The following EML1 variants were observed in gnomAD, a reference collection of about 807,000 sequenced individuals.
The protein encoded by EML1 is echinoderm microtubule-associated protein-like 1.
A neutral mutation model predicts 110.4 loss-of-function variants in EML1; 27 were observed. The ratio of observed to expected loss-of-function variants is 0.24; its 90% CI spans 0.18 to 0.34. The LOEUF is 0.34. EML1 is among the 10% of genes least tolerant of loss of function. The pLI is 1.00. For synonymous variants in EML1, 344 were observed against 385.8 expected (o/e 0.89, Z 1.27); for missense variants, 741 against 1,030.9 (o/e 0.72, Z 3.85).
At chr14:99,826,775 C>T (rs1222965074) in intron 1 of EML1, among the ~76,000 whole-genome samples, 1 of 151,982 alleles carries the variant, frequency 6.6e-6, no homozygotes, top group African/African-American at 2.4e-5. Context: ...TGAAGAATTC[C>T]ATGCATGTTA....
chr14:99,912,608 T>C (rs984994426), intron 13 of EML1, among the ~76,000 whole-genome samples: 1 of 152,248 alleles, frequency 6.6e-6, no homozygotes, highest in African/African-American at 2.4e-5. Context: ...AATTTGGTTC[T>C]GTTGATTATT....
rs199617037 is a variant in EML1 at position 99,861,862 on chromosome 14, A to G, written c.251-3652A>G. Among the ~76,000 whole-genome samples, 16 of 152,348 alleles carry G rather than the reference A, an allele frequency of 1.1e-4. No homozygotes were observed. In the East Asian group the frequency reaches 3.1e-3, roughly 29 times the overall value. Reference sequence around the variant, plus strand: ...AAAGTTGTAAGCACAGAAGGTTCCCATAGACCCAGTACCCAGTTTCCCCTG... The same window carrying G: ...AAAGTTGTAAGCACAGAAGGTTCCCGTAGACCCAGTACCCAGTTTCCCCTG... On this transcript the variant is annotated intron_variant, in intron 2 of 21. Coordinates refer to ENST00000262233, the MANE Select transcript of EML1 (RefSeq NM_004434.3).
intron 1 of EML1, among the ~76,000 whole-genome samples, chr14:99,755,300 C>G (rs1011820839): frequency 6.6e-5 from 10 of 152,226 alleles, no homozygotes; most frequent in Non-Finnish European, 1.5e-4. Flanking sequence ...CCCGGGGAGC[C>G]TGGGGCTGCC....
chr14:99,848,066 G>T, intron 1 of EML1, among the ~76,000 whole-genome samples: 1 of 151,800 alleles, frequency 6.6e-6, no homozygotes. Flanking sequence ...TTTATTTTTT[G>T]TTTTTTACTT....
Position 99,939,369 on chromosome 14 carries a change from C to T in EML1, c.2322+42C>T. 2 of 1,610,502 alleles carry T rather than the reference C, an allele frequency of 1.2e-6. No individual in the cohort carries two copies. Among genetic ancestry groups the T allele is most frequent in the Non-Finnish European group, 1.7e-6 (2 of 1,177,782 alleles). On this transcript the variant is annotated intron_variant, in intron 21 of 21. Transcript: ENST00000262233. The surrounding 1 kb of genome is among the most constrained non-coding windows in gnomAD (Gnocchi z 4.2). The stretch of plus-strand genomic sequence containing the variant: ...TTCACTAATCTTATCCCCCATGGGG[C>T]ATGCACGTACACCCGACCTGTTTGG...
chr14:99,835,644 G>T (rs1187830068), intron 1 of EML1, among the ~76,000 whole-genome samples: 1 of 152,078 alleles, frequency 6.6e-6, no homozygotes, highest in African/African-American at 2.4e-5. Context: ...CACAAATTTT[G>T]ATATGCTGTG....
chr14:99,847,875 A>G (rs943017527), intron 1 of EML1, among the ~76,000 whole-genome samples: 8 of 151,794 alleles, frequency 5.3e-5, no homozygotes, highest in Admixed American at 2.6e-4. Context: ...TATACTTTCA[A>G]TCTATCTGTG....
chr14:99,768,520 G>T (rs61411932), upstream of EML1, among the ~76,000 whole-genome samples: 708 of 152,282 alleles, frequency 4.6e-3, 5 homozygotes, highest in African/African-American at 0.016. Context: ...ACTCCACATG[G>T]CTGGAATATA....
intron 3 of EML1, among the ~76,000 whole-genome samples, chr14:99,873,177 T>A (rs560749967): frequency 7.9e-5 from 12 of 152,332 alleles, no homozygotes; most frequent in Admixed American, 2.0e-4. Flanking sequence ...TTCTCTGGGC[T>A]CATAAGTAGA....
At chr14:99,773,434 C>G (rs2057446659) in exon 1 of EML1, 1 of 152,306 alleles carries the variant, frequency 6.6e-6, no homozygotes, top group African/African-American at 2.4e-5. Context: ...CCCAGGAGGT[C>G]CCAGAATCTA....
At chr14:99,770,841 G>A (rs902318883), upstream of EML1, among the ~76,000 whole-genome samples, 17 of 133,826 alleles carry the variant, frequency 1.3e-4, no homozygotes, top group Admixed American at 1.3e-3. Context: ...CTGGAGTGCA[G>A]TGGCGCGATC....
intron 1 of EML1, among the ~76,000 whole-genome samples, chr14:99,834,869 G>T (rs2058513850): frequency 6.6e-6 from 1 of 152,144 alleles, no homozygotes; most frequent in African/African-American, 2.4e-5. Flanking sequence ...GCCTAGGCTG[G>T]AGTGCAGTGG....
intron 1 of EML1, among the ~76,000 whole-genome samples, chr14:99,775,030 A>G (rs1258803434): frequency 6.6e-6 from 1 of 152,222 alleles, no homozygotes; most frequent in African/African-American, 2.4e-5. Flanking sequence ...TACAAAATAG[A>G]GTTGATTCCT....
intron 5 of EML1, 29 bp downstream of exon 5, chr14:99,891,256 A>AC (rs770751222): frequency 2.5e-6 from 4 of 1,613,346 alleles, no homozygotes; most frequent in Non-Finnish European, 3.4e-6. Flanking sequence ...ATGTATGGGA[A>AC]CCCCTCACTC....
At chr14:99,772,127 C>A (rs990391569), upstream of EML1, among the ~76,000 whole-genome samples, 1 of 152,158 alleles carries the variant, frequency 6.6e-6, no homozygotes, top group Non-Finnish European at 1.5e-5. Context: ...GTGTTGTACA[C>A]TCTTGATTGT....
chr14:99,817,982 G>A (rs779943815), intron 1 of EML1, among the ~76,000 whole-genome samples: 2 of 152,166 alleles, frequency 1.3e-5, no homozygotes, highest in Non-Finnish European at 2.9e-5. Context: ...TAGAAGTAAA[G>A]CCAGTTAAAG....
rs773148070 is a variant in EML1 at position 99,914,563 on chromosome 14, T to C, written c.1621-3T>C. The C allele has an allele frequency of 2.5e-6, 4 of 1,585,776 alleles. No individual in the cohort carries two copies. The African/African-American group carries it at 4.1e-5, about 16-fold the overall frequency. On this transcript the variant is annotated splice_region_variant and splice_polypyrimidine_tract_variant and intron_variant, in intron 14 of 21. Transcript: ENST00000262233. ...CGCTTCTGTTTGTCTTGGTTATTTG[T>C]AGGGTCACACTGATGAGCTCTGGGG...
intron 1 of EML1, among the ~76,000 whole-genome samples, chr14:99,816,201 T>C (rs1286012875): frequency 1.3e-5 from 2 of 152,196 alleles, no homozygotes; most frequent in African/African-American, 4.8e-5. Flanking sequence ...TCTCACTCTG[T>C]CGCCCAGGCT....
chr14:99,917,692 C>T (rs113859849), intron 15 of EML1, 90 bp from the exon 16 acceptor site: 15 of 1,198,682 alleles, frequency 1.3e-5, no homozygotes, highest in African/African-American at 6.0e-5. Context: ...GAAGTGTGAG[C>T]GTTTGTGTGT....
Sources: gnomAD v4.1 joint callset for allele counts (sites outside exome capture counted in the v4.1 genomes callset) on GRCh38, gnomAD v4.1.1 for gene constraint, Gnocchi (gnomAD v3.1) non-coding constraint, MANE v1.5 for transcripts, NCBI Gene and HGNC (gene_info 2026-07-23, HGNC 2026-07-21) for gene names.